Variants in PRKX observed in about 807,000 individuals in gnomAD.
PRKX encodes the protein cAMP-dependent protein kinase catalytic subunit PRKX.
In PRKX, 12 loss-of-function variants were observed where a neutral mutation model predicts 22.0. The observed-to-expected ratio is 0.54, with a 90% confidence interval of 0.35 to 0.88. The LOEUF is 0.88. Among genes scored for constraint, PRKX ranks in the 40% least tolerant of loss-of-function variants. The pLI, the probability that PRKX is intolerant of heterozygous loss-of-function variation, is 0.01. For missense variants in PRKX, 217 were observed against 308.0 expected (o/e 0.70, Z 2.21); for synonymous variants, 134 against 137.7 (o/e 0.97, Z 0.19).
chrX:3,637,993 C>T (rs1048871028), intron 4 of PRKX, among the ~76,000 whole-genome samples: 1 of 110,656 alleles, frequency 9.0e-6, no homozygotes, highest in Non-Finnish European at 1.9e-5. Flanking sequence ...AACTCCTGAC[C>T]TCAGGTGATC....
chrX:3,642,374 TCTC>T (rs1175225663), intron 3 of PRKX, among the ~76,000 whole-genome samples: 2 of 110,627 alleles, frequency 1.8e-5, no homozygotes, highest in Non-Finnish European at 3.8e-5. Flanking sequence ...GAGAGGCCAT[TCTC>T]CTAAGTGGAC....
At chrX:3,623,064 G>A (rs1055566238) in intron 5 of PRKX, among the ~76,000 whole-genome samples, 3 of 103,466 alleles carry the variant, frequency 2.9e-5, no homozygotes, top group African/African-American at 1.0e-4. Flanking sequence ...ATACGCTAAT[G>A]GGGCAGGCAG....
chrX:3,708,644 C>T (rs1170857998), intron 1 of PRKX, among the ~76,000 whole-genome samples: 2 of 108,714 alleles, frequency 1.8e-5, no homozygotes, highest in African/African-American at 3.3e-5. Flanking sequence ...GCGGGCGGAT[C>T]GCCTGAGGTC....
intron 3 of PRKX, among the ~76,000 whole-genome samples, chrX:3,653,009 G>A (rs1927369031): frequency 9.0e-6 from 1 of 111,281 alleles, no homozygotes; most frequent in Non-Finnish European, 1.9e-5. Context: ...TCTTTAAAAT[G>A]CCCAGTGTGT....
chrX:3,674,669 T>C lies in PRKX; in HGVS notation c.264A>G (p.Leu88=), dbSNP rs775676848. The change falls in exon 2 of 9, where the codon CTA becomes CTG. Residue 88 remains leucine, a synonymous_variant. Coordinates refer to ENST00000262848, the MANE Select transcript of PRKX (RefSeq NM_005044.5). Reference sequence around the variant, plus strand: ...CATTGTGTACGTGTTGCTCCTGCTTTAGGCGGATGACGTCGGGAATGCTCA... The same window carrying C: ...CATTGTGTACGTGTTGCTCCTGCTTCAGGCGGATGACGTCGGGAATGCTCA... The part of the protein sequence containing the change: ...KVMSIPDVIR[L]KQEQHVHNEK... 2.5e-6 allele frequency: 3 copies of C among 1,209,683 alleles called. No individual in the cohort carries two copies. Among genetic ancestry groups the C allele is most frequent in the Admixed American group, 4.4e-5 (2 of 45,628 alleles).
intron 2 of PRKX, among the ~76,000 whole-genome samples, chrX:3,664,041 C>T (rs1262391385): frequency 1.8e-5 from 2 of 111,702 alleles, no homozygotes; most frequent in Non-Finnish European, 3.8e-5. Flanking sequence ...TACATGCCCA[C>T]AGGCACACAG....
chrX:3,658,059 C>T (rs1044821521), intron 2 of PRKX, among the ~76,000 whole-genome samples: 4 of 109,974 alleles, frequency 3.6e-5, no homozygotes, highest in African/African-American at 1.3e-4. Flanking sequence ...GGTGCAATCT[C>T]GGCTCACTGC....
intron 1 of PRKX, among the ~76,000 whole-genome samples, chrX:3,689,928 G>C (rs1928285685): frequency 9.0e-6 from 1 of 111,071 alleles, no homozygotes; most frequent in Non-Finnish European, 1.9e-5. Flanking sequence ...AGTGAGCCGA[G>C]ATGGCACCAC....
chrX:3,679,347 TAG>T (rs1322119124), intron 1 of PRKX, among the ~76,000 whole-genome samples: 1 of 112,649 alleles, frequency 8.9e-6, no homozygotes, highest in East Asian at 2.8e-4. Context: ...TGAATTTGTT[TAG>T]GATAGCAGCC....
At chrX:3,713,026 C>T (rs1928824654) in intron 1 of PRKX, 62 bp downstream of exon 1, 1 of 1,107,816 alleles carries the variant, frequency 9.0e-7, no homozygotes, top group Non-Finnish European at 1.2e-6. Flanking sequence ...CTTTGTCCTA[C>T]TACAACGTCC....
intron 6 of PRKX, among the ~76,000 whole-genome samples, chrX:3,618,067 A>AAG (rs149670216): frequency 9.2e-5 from 8 of 86,616 alleles, no homozygotes; most frequent in Non-Finnish European, 1.1e-4. Flanking sequence ...AAAAAAAAAA[A>AAG]AGAGAGAGAG....
intron 5 of PRKX, among the ~76,000 whole-genome samples, chrX:3,624,292 T>A (rs1204266904): frequency 9.0e-6 from 1 of 111,615 alleles, no homozygotes; most frequent in African/African-American, 3.3e-5. Context: ...AAGTGAACTG[T>A]CAGTTCACTT....
At chrX:3,702,842 C>A (rs1928606111) in intron 1 of PRKX, among the ~76,000 whole-genome samples, 1 of 108,833 alleles carries the variant, frequency 9.2e-6, no homozygotes, top group East Asian at 2.9e-4. Context: ...CACAGGCATG[C>A]GTCCCCATGC....
intron 1 of PRKX, among the ~76,000 whole-genome samples, chrX:3,712,672 G>C (rs986947031): frequency 3.6e-5 from 4 of 112,357 alleles, no homozygotes; most frequent in African/African-American, 1.3e-4. Flanking sequence ...GCTGGCCTAG[G>C]GGAGGCCTGC....
chrX:3,617,438 G>A (rs1395018062), intron 6 of PRKX, among the ~76,000 whole-genome samples: 1 of 109,686 alleles, frequency 9.1e-6, no homozygotes, highest in Non-Finnish European at 1.9e-5. Flanking sequence ...GAACCCAGGA[G>A]TTTGAGACTA....
At chrX:3,671,239 T>C (rs1287442227) in intron 2 of PRKX, among the ~76,000 whole-genome samples, 4 of 110,462 alleles carry the variant, frequency 3.6e-5, no homozygotes. Context: ...TTTCCCCATA[T>C]TGGCCAGGCT....
intron 3 of PRKX, among the ~76,000 whole-genome samples, chrX:3,652,922 G>T (rs1446290081): frequency 9.0e-6 from 1 of 110,762 alleles, no homozygotes; most frequent in Non-Finnish European, 1.9e-5. Flanking sequence ...AAGGAGAGAG[G>T]CTTCAGGAGG....
rs146824519 is a variant in PRKX, at chrX:3,640,339, G to A, written c.719+1513C>T. ...AGCCTTTCGTGCAGAGCCACATGGT[G>A]CAACAGTTCCTCTGACACGTAGCTC... is the stretch of plus-strand genomic sequence containing the variant. On this transcript the variant is annotated intron_variant, in intron 4 of 8. Transcript: ENST00000262848. Among the ~76,000 whole-genome samples the A allele has an allele frequency of 6.1e-3, 684 of 111,222 alleles. 10 individuals are homozygous for A. Among genetic ancestry groups the A allele is most frequent in the African/African-American group, 0.022 (661 of 30,661 alleles).
At chrX:3,695,158 G>A (rs1464967804) in intron 1 of PRKX, among the ~76,000 whole-genome samples, 1 of 110,610 alleles carries the variant, frequency 9.0e-6, no homozygotes, top group Non-Finnish European at 1.9e-5. Flanking sequence ...TGTGCTTTGA[G>A]ACCCAAAGCC....
Sources: allele counts gnomAD v4.1 joint callset (sites outside exome capture counted in the v4.1 genomes callset), GRCh38; gene constraint gnomAD v4.1.1; transcripts MANE v1.5; gene names NCBI Gene and HGNC (gene_info 2026-07-23, HGNC 2026-07-21).